CDH12: variants seen among roughly 807,000 people sequenced by gnomAD.
The protein encoded by CDH12 is cadherin 12, also known as cadherin-12.
A neutral mutation model predicts 74.1 loss-of-function variants in CDH12; 41 were observed. That is an observed-to-expected ratio of 0.55 (90% CI 0.43 to 0.72). The LOEUF (loss-of-function observed/expected upper bound fraction) is 0.72. CDH12 is among the 30% of genes least tolerant of loss of function. CDH12 has a pLI of 0.00. For missense variants in CDH12, 945 were observed against 977.2 expected (o/e 0.97, Z 0.44); for synonymous variants, 399 against 355.0 (o/e 1.12, Z -1.39).
At chr5:22,330,061 C>T (rs3099027) in intron 3 of CDH12, among the ~76,000 whole-genome samples, 5,099 of 152,254 alleles carry the variant, frequency 0.033, 261 homozygotes, top group African/African-American at 0.11. Context: ...CTTCCAACCT[C>T]AGGCACTTCA....
At chr5:22,074,266 A>G (rs1742151179) in intron 5 of CDH12, among the ~76,000 whole-genome samples, 2 of 152,156 alleles carry the variant, frequency 1.3e-5, no homozygotes. Flanking sequence ...CCACATGTAG[A>G]AAGCTGAAAC....
At chr5:22,138,166 TA>T (rs1746567002) in intron 4 of CDH12, among the ~76,000 whole-genome samples, 1 of 151,986 alleles carries the variant, frequency 6.6e-6, no homozygotes, top group African/African-American at 2.4e-5. Context: ...TTGTAGTACT[TA>T]AAAAATAGTA....
At chr5:22,094,340 T>C (rs927707494) in intron 4 of CDH12, among the ~76,000 whole-genome samples, 2 of 152,220 alleles carry the variant, frequency 1.3e-5, no homozygotes, top group Non-Finnish European at 2.9e-5. Flanking sequence ...AAATAGATAC[T>C]ATGCTGCTCT....
chr5:22,698,706 TATATATATATATATATATATATATATATA>T (rs1416945001), intron 1 of CDH12, among the ~76,000 whole-genome samples: 519 of 13,414 alleles, frequency 0.039, 48 homozygotes, highest in Middle Eastern at 0.17. Context: ...TATATATATA[TATATATATATATATATATATATATATATA>T]GTGTGTGTGT....
chr5:22,460,261 G>A (rs528143744), intron 2 of CDH12, among the ~76,000 whole-genome samples: 21 of 151,602 alleles, frequency 1.4e-4, no homozygotes, highest in Middle Eastern at 3.4e-3. Context: ...ACTATGTGTC[G>A]TCATTATGCT....
intron 10 of CDH12, among the ~76,000 whole-genome samples, 153 bp downstream of exon 10, chr5:21,802,014 C>A (rs1372227440): frequency 6.6e-6 from 1 of 152,060 alleles, no homozygotes; most frequent in Non-Finnish European, 1.5e-5. Context: ...ATAACATTTC[C>A]TCTATTCTTA....
intron 6 of CDH12, among the ~76,000 whole-genome samples, chr5:21,901,965 C>T (rs1369684293): frequency 3.9e-5 from 6 of 152,144 alleles, no homozygotes; most frequent in African/African-American, 7.2e-5. Context: ...CTGCTAGCCA[C>T]TGTACGTGCA....
intron 2 of CDH12, among the ~76,000 whole-genome samples, chr5:22,415,024 G>A (rs1157574336): frequency 6.6e-6 from 1 of 151,902 alleles, no homozygotes; most frequent in Non-Finnish European, 1.5e-5. Flanking sequence ...TCACATATAG[G>A]GTGGATACAC....
At chr5:22,585,676 A>G (rs983919139) in intron 1 of CDH12, among the ~76,000 whole-genome samples, 2 of 152,124 alleles carry the variant, frequency 1.3e-5, no homozygotes, top group Non-Finnish European at 2.9e-5. Flanking sequence ...CTTGTCAATC[A>G]GGAAAAACCT....
At chr5:21,821,205 G>T (rs1442446329) in intron 8 of CDH12, among the ~76,000 whole-genome samples, 1 of 151,584 alleles carries the variant, frequency 6.6e-6, no homozygotes, top group South Asian at 2.1e-4. Flanking sequence ...GTGGGGACAG[G>T]TAGGGGACAT....
intron 2 of CDH12, among the ~76,000 whole-genome samples, chr5:22,437,499 A>G (rs1433535412): frequency 6.6e-6 from 1 of 151,718 alleles, no homozygotes; most frequent in Non-Finnish European, 1.5e-5. Flanking sequence ...ACATTAAAAT[A>G]TAATAGCGGA....
chr5:22,021,209 G>A (rs190200277), intron 5 of CDH12, among the ~76,000 whole-genome samples: 1 of 152,270 alleles, frequency 6.6e-6, no homozygotes, highest in African/African-American at 2.4e-5. Flanking sequence ...TTTTGTGCAT[G>A]ACACAAAGTT....
chr5:22,591,586 T>C (rs960211236), intron 1 of CDH12, among the ~76,000 whole-genome samples: 8 of 152,118 alleles, frequency 5.3e-5, no homozygotes, highest in African/African-American at 1.9e-4. Context: ...CAACTTTTAT[T>C]TTCCAACTTC....
At chr5:22,592,471 A>C (rs860612) in intron 1 of CDH12, among the ~76,000 whole-genome samples, 82,984 of 149,884 alleles carry the variant, frequency 0.55, 23,090 homozygotes, top group East Asian at 0.68. Flanking sequence ...TAGTTTACTT[A>C]TCTCTTGTGC....
chr5:22,822,181 G>A (rs1749739184), intron 1 of CDH12, among the ~76,000 whole-genome samples: 1 of 152,008 alleles, frequency 6.6e-6, no homozygotes, highest in Non-Finnish European at 1.5e-5. Flanking sequence ...CTAGCCATAT[G>A]TAGAAAGCTG....
chr5:22,087,624 G>T (rs1323644577), intron 4 of CDH12, among the ~76,000 whole-genome samples: 1 of 152,020 alleles, frequency 6.6e-6, no homozygotes, highest in African/African-American at 2.4e-5. Flanking sequence ...CTGGGTGACA[G>T]AGTGAGACTT....
chr5:22,067,440 A>G (rs555765277), intron 5 of CDH12, among the ~76,000 whole-genome samples: 1 of 152,284 alleles, frequency 6.6e-6, no homozygotes, highest in East Asian at 1.9e-4. Context: ...GAGGTAAAGT[A>G]ATTTGCATTT....
At chr5:22,824,258 AGTGT>A (rs1044811154) in intron 1 of CDH12, among the ~76,000 whole-genome samples, 88 of 152,262 alleles carry the variant, frequency 5.8e-4, no homozygotes, top group Middle Eastern at 3.4e-3. Flanking sequence ...ACAGAAACTG[AGTGT>A]GTAACTGTCA....
intron 2 of CDH12, among the ~76,000 whole-genome samples, chr5:22,494,743 A>G (rs1747032159): frequency 6.6e-6 from 1 of 152,178 alleles, no homozygotes; most frequent in Admixed American, 6.5e-5. Flanking sequence ...TAAAAGCTGG[A>G]AAAACAAAGA....
Sources: allele counts gnomAD v4.1 joint callset (sites outside exome capture counted in the v4.1 genomes callset), GRCh38; gene constraint gnomAD v4.1.1; transcripts MANE v1.5; gene names NCBI Gene and HGNC (gene_info 2026-07-23, HGNC 2026-07-21).